The following USP9X variants were observed in gnomAD, a reference collection of about 807,000 sequenced individuals.
USP9X encodes the protein ubiquitin carboxyl-terminal hydrolase 9X.
A neutral mutation model predicts 190.3 loss-of-function variants in USP9X; 7 were observed. The ratio of observed to expected loss-of-function variants is 0.04; its 90% CI spans 0.02 to 0.07. The LOEUF is 0.07. USP9X is among the 10% of genes least tolerant of loss of function. The pLI, the probability that USP9X is intolerant of heterozygous loss-of-function variation, is 1.00. For missense variants in USP9X, 1,010 were observed against 1,916.9 expected (o/e 0.53, Z 8.83); for synonymous variants, 645 against 659.5 (o/e 0.98, Z 0.34).
chrX:41,116,048 T>C (rs1345762477), intron 1 of USP9X, among the ~76,000 whole-genome samples: 2 of 112,178 alleles, frequency 1.8e-5, no homozygotes, highest in African/African-American at 6.5e-5. Flanking sequence ...GATTACTTAA[T>C]GCAGTCCAGC....
chrX:41,206,765 T>TTA (rs2063100938), intron 32 of USP9X, among the ~76,000 whole-genome samples: 1 of 109,705 alleles, frequency 9.1e-6, no homozygotes, highest in Non-Finnish European at 1.9e-5. Context: ...ATTATTATTA[T>TTA]TATATATATA....
At chrX:41,132,455 C>T (rs188980143) in intron 4 of USP9X, among the ~76,000 whole-genome samples, 2 of 109,591 alleles carry the variant, frequency 1.8e-5, no homozygotes, top group South Asian at 7.9e-4. Context: ...AGGCGCCCAC[C>T]ACCATGCCCG....
At chrX:41,151,118 AAC>A (rs1182719129) in intron 13 of USP9X, 61 bp downstream of exon 13, 3 of 1,095,375 alleles carry the variant, frequency 2.7e-6, no homozygotes, top group Non-Finnish European at 3.6e-6. Flanking sequence ...ATTGAAAAGA[AAC>A]AGCATATTGG....
In USP9X at chrX:41,233,812, T is replaced by A. The variant is rs1443790443; in HGVS notation, c.*1288T>A. On this transcript the variant is annotated 3_prime_UTR_variant, in exon 45 of 45. Transcript: ENST00000378308. The stretch of plus-strand genomic sequence containing the variant: ...TGATTAAAAATAAGGAAATCCTCAG[T>A]TCATACTGTATTTAAAAGAGAATTG... 1 of 112,511 alleles carries A rather than the reference T, an allele frequency of 8.9e-6. No homozygotes were observed. Among genetic ancestry groups the A allele is most frequent in the African/African-American group, 3.2e-5 (1 of 30,863 alleles). 9.3% of individuals were successfully genotyped at this position (112,511 alleles called of 1,213,427 possible). A position where few individuals can be genotyped will look rare whatever the true frequency, so the allele number is the denominator to read the frequency against.
At chrX:41,093,976 G>T (rs769059056) in intron 1 of USP9X, among the ~76,000 whole-genome samples, 23 of 111,305 alleles carry the variant, frequency 2.1e-4, no homozygotes, top group Non-Finnish European at 4.1e-4. Flanking sequence ...CATTTGTCCA[G>T]ACTTTTGAAA....
chrX:41,203,251 TAC>T (rs1451338854), intron 31 of USP9X, among the ~76,000 whole-genome samples: 2 of 111,777 alleles, frequency 1.8e-5, no homozygotes, highest in Non-Finnish European at 3.8e-5. Flanking sequence ...TCCTATTAAA[TAC>T]ATTTACATTG....
chrX:41,228,625 A>AC (rs1555936445), intron 41 of USP9X, among the ~76,000 whole-genome samples: 2 of 110,582 alleles, frequency 1.8e-5, no homozygotes, highest in African/African-American at 6.6e-5. Flanking sequence ...AAACTTAGTT[A>AC]TAACTTTTTT....
At chrX:41,091,700 A>G (rs185361491) in intron 1 of USP9X, among the ~76,000 whole-genome samples, 124 of 112,052 alleles carry the variant, frequency 1.1e-3, no homozygotes, top group African/African-American at 3.4e-3. Flanking sequence ...AGAGATCTCA[A>G]TTCTTTCTAG....
In USP9X at chrX:41,219,013, T is replaced by C. The variant is rs2063237533; in HGVS notation, c.6436-89T>C. On this transcript the variant is annotated intron_variant, in intron 37 of 44. Coordinates refer to ENST00000378308, the MANE Select transcript of USP9X (RefSeq NM_001039591.3). ...CAGTCCTTCCATAAATGTATGCCTG[T>C]ATCAGCATATGTGCATGTCCTTTTT... 5 of 927,870 alleles carry C rather than the reference T, an allele frequency of 5.4e-6. No individual in the cohort carries two copies. The Middle Eastern group carries it at 1.1e-3, about 208-fold the overall frequency. The allele number at this position is 927,870 out of a possible 1,213,427, so 76.5% of individuals were successfully genotyped here.
chrX:41,103,182 T>C (rs780135450), intron 1 of USP9X, among the ~76,000 whole-genome samples: 2 of 112,881 alleles, frequency 1.8e-5, no homozygotes, highest in African/African-American at 6.4e-5. Flanking sequence ...ATGTGACTTA[T>C]GTCTAATATT....
chrX:41,209,749 T>G (rs747333685), intron 32 of USP9X, among the ~76,000 whole-genome samples: 67 of 112,542 alleles, frequency 6.0e-4, no homozygotes, highest in African/African-American at 2.1e-3. Flanking sequence ...TAAAATATAA[T>G]AGAGATCAGA....
chrX:41,094,121 T>C (rs1434058090), intron 1 of USP9X, among the ~76,000 whole-genome samples: 4 of 111,019 alleles, frequency 3.6e-5, no homozygotes, highest in Non-Finnish European at 3.8e-5. Context: ...AGAGGGATTG[T>C]GGGGCCAGAC....
At chrX:41,166,870 CA>C (rs745617956) in intron 16 of USP9X, among the ~76,000 whole-genome samples, 2 of 111,874 alleles carry the variant, frequency 1.8e-5, no homozygotes, top group South Asian at 7.3e-4. Flanking sequence ...ATTGTTTTAA[CA>C]GCAGAAACAC....
chrX:41,174,538 G>A (rs2062756562), intron 21 of USP9X, among the ~76,000 whole-genome samples: 1 of 111,796 alleles, frequency 8.9e-6, no homozygotes, highest in Admixed American at 9.5e-5. Flanking sequence ...TTGTATTCAG[G>A]TTATGCGTCT....
intron 41 of USP9X, among the ~76,000 whole-genome samples, chrX:41,228,455 C>G (rs747265242): frequency 9.0e-6 from 1 of 111,668 alleles, no homozygotes; most frequent in South Asian, 3.8e-4. Flanking sequence ...CCAAATTGTA[C>G]TATTGCCTGT....
At chrX:41,204,111 G>A (rs1008508068) in intron 31 of USP9X, among the ~76,000 whole-genome samples, 1 of 111,952 alleles carries the variant, frequency 8.9e-6, no homozygotes, top group Non-Finnish European at 1.9e-5. Context: ...ATACTCACTC[G>A]TTCTGGTAGT....
intron 12 of USP9X, 93 bp from the exon 13 acceptor site, chrX:41,150,823 TAAAAG>T (rs745894944): frequency 5.4e-5 from 48 of 894,467 alleles, no homozygotes; most frequent in South Asian, 2.4e-4. Context: ...TTGCTAATCT[TAAAAG>T]AAAAGCTTTT....
chrX:41,150,833 G>A (rs1275333475), intron 12 of USP9X, 88 bp from the exon 13 acceptor site: 3 of 919,734 alleles, frequency 3.3e-6, no homozygotes, highest in Non-Finnish European at 4.3e-6. Context: ...TAAAAGAAAA[G>A]CTTTTATTTT....
intron 1 of USP9X, among the ~76,000 whole-genome samples, chrX:41,118,057 A>G (rs1303134341): frequency 9.0e-6 from 1 of 111,148 alleles, no homozygotes; most frequent in African/African-American, 3.3e-5. Flanking sequence ...AAGTTTCACC[A>G]TGTTGGTCAG....
Sources: gnomAD v4.1 joint callset for allele counts (sites outside exome capture counted in the v4.1 genomes callset) on GRCh38, gnomAD v4.1.1 for gene constraint, MANE v1.5 for transcripts, NCBI Gene and HGNC (gene_info 2026-07-23, HGNC 2026-07-21) for gene names.